Variants in JAK1 observed in about 807,000 individuals in gnomAD.
The protein encoded by JAK1 is Janus kinase 1, also known as tyrosine-protein kinase JAK1.
JAK1 carries 16 observed loss-of-function variants against 136.6 expected under a neutral mutation model. The ratio of observed to expected loss-of-function variants is 0.12; its 90% CI spans 0.08 to 0.18. The LOEUF is 0.18. Ranked by LOEUF, JAK1 falls within the 10% of genes least tolerant of loss-of-function variation. The pLI is 1.00. For missense variants in JAK1, 859 were observed against 1,450.1 expected (o/e 0.59, Z 6.62); for synonymous variants, 492 against 519.5 (o/e 0.95, Z 0.72).
chr1:64,927,158 C>A (rs1645596743), intron 1 of JAK1, among the ~76,000 whole-genome samples: 1 of 152,180 alleles, frequency 6.6e-6, no homozygotes, highest in African/African-American at 2.4e-5. Flanking sequence ...GATGGGCGTA[C>A]CCTGACGACC....
At chr1:64,896,820 G>T (rs1645021172) in intron 1 of JAK1, among the ~76,000 whole-genome samples, 1 of 152,266 alleles carries the variant, frequency 6.6e-6, no homozygotes, top group South Asian at 2.1e-4. Flanking sequence ...AGGACGGCAG[G>T]GAAAACCAGC....
chr1:64,859,800 T>C (rs942186502), intron 9 of JAK1: 6 of 195,860 alleles, frequency 3.1e-5, no homozygotes, highest in African/African-American at 1.2e-4. Context: ...ATTGCCCACA[T>C]TGTTTGACAC....
At chr1:64,895,454 ATTTTTG>A (rs1645000690) in intron 1 of JAK1, among the ~76,000 whole-genome samples, 1 of 152,204 alleles carries the variant, frequency 6.6e-6, no homozygotes, top group East Asian at 1.9e-4. Context: ...AATTTACCTT[ATTTTTG>A]TTTTTATTTC....
At chr1:64,891,044 A>C (rs1171033246) in intron 1 of JAK1, among the ~76,000 whole-genome samples, 1 of 152,210 alleles carries the variant, frequency 6.6e-6, no homozygotes, top group African/African-American at 2.4e-5. Flanking sequence ...AATGCATGTA[A>C]AATGCCCAAC....
chr1:65,010,067 G>A (rs1231904477), intron 2 of JAK1, among the ~76,000 whole-genome samples: 1 of 152,110 alleles, frequency 6.6e-6, no homozygotes, highest in Non-Finnish European at 1.5e-5. Context: ...TTGTACTTTG[G>A]CACACAGGAA....
intron 1 of JAK1, among the ~76,000 whole-genome samples, chr1:64,896,374 G>A (rs1435877554): frequency 6.6e-6 from 1 of 152,202 alleles, no homozygotes; most frequent in Non-Finnish European, 1.5e-5. Flanking sequence ...CTTTGCAGGG[G>A]ATGGGATACA....
intron 24 of JAK1, among the ~76,000 whole-genome samples, chr1:64,834,908 A>T (rs1654375542): frequency 6.6e-6 from 1 of 152,200 alleles, no homozygotes; most frequent in South Asian, 2.1e-4. Context: ...ATTCCTGTAA[A>T]CCAGTTAGAG....
In JAK1 at chr1:64,833,755, G is replaced by C. The variant is rs1163756207; in HGVS notation, c.*807C>G. The C allele has an allele frequency of 4.3e-6, 1 of 232,960 alleles. No individual in the cohort carries two copies. Among genetic ancestry groups the C allele is most frequent in the African/African-American group, 2.2e-5 (1 of 45,332 alleles). The allele number at this position is 232,960 out of a possible 1,614,324, so 14.4% of individuals were successfully genotyped here. ...GCCCCAAAGTGGTAGAGTTATAAAA[G>C]GATATACATTGACGTTTCTTAAAAG... On this transcript the variant is annotated 3_prime_UTR_variant, in exon 25 of 25. Coordinates refer to ENST00000342505, the MANE Select transcript of JAK1 (RefSeq NM_002227.4).
chr1:64,888,459 C>T (rs1041071630), intron 1 of JAK1, among the ~76,000 whole-genome samples: 7 of 152,314 alleles, frequency 4.6e-5, no homozygotes, highest in African/African-American at 7.2e-5. Flanking sequence ...GGATTACAGG[C>T]GTGAGCCACC....
intron 1 of JAK1, among the ~76,000 whole-genome samples, chr1:64,930,497 A>G (rs1266343522): frequency 3.3e-5 from 5 of 152,160 alleles, no homozygotes; most frequent in Admixed American, 3.3e-4. Context: ...AAGTCAGGAA[A>G]CAACAGATGC....
chr1:64,898,522 G>A (rs1645059251), intron 1 of JAK1, among the ~76,000 whole-genome samples: 1 of 152,186 alleles, frequency 6.6e-6, no homozygotes, highest in Admixed American at 6.5e-5. Context: ...AAGTCATGTT[G>A]GATGAAATTC....
intron 1 of JAK1, among the ~76,000 whole-genome samples, chr1:64,916,439 G>A (rs895763954): frequency 6.6e-6 from 1 of 152,148 alleles, no homozygotes; most frequent in Non-Finnish European, 1.5e-5. Flanking sequence ...AACTGCACAA[G>A]CCTATATGAT....
chr1:64,887,418 G>A (rs1369929698), intron 1 of JAK1, among the ~76,000 whole-genome samples: 1 of 152,220 alleles, frequency 6.6e-6, no homozygotes. Context: ...ACAGCACTTA[G>A]AAACTAGCTA....
intron 1 of JAK1, among the ~76,000 whole-genome samples, chr1:64,938,932 ATACT>A (rs1645838739): frequency 6.6e-6 from 1 of 152,196 alleles, no homozygotes; most frequent in Non-Finnish European, 1.5e-5. Context: ...AATAATTAAA[ATACT>A]TAATTAACTG....
chr1:65,042,268 T>C (rs1045293220), intron 2 of JAK1, among the ~76,000 whole-genome samples: 1 of 152,138 alleles, frequency 6.6e-6, no homozygotes, highest in Non-Finnish European at 1.5e-5. Context: ...ATTATCCCGT[T>C]TATTATCAGG....
chr1:64,837,907 A>T (rs749487382), intron 22 of JAK1, 25 bp downstream of exon 22: 1 of 1,596,298 alleles, frequency 6.3e-7, no homozygotes, highest in Non-Finnish European at 8.6e-7. Flanking sequence ...AGCATTGATA[A>T]AACCTAGTGG....
intron 1 of JAK1, among the ~76,000 whole-genome samples, chr1:64,937,846 C>G (rs549760374): frequency 1.3e-5 from 2 of 152,278 alleles, no homozygotes; most frequent in East Asian, 3.9e-4. Context: ...CTAAATTACT[C>G]TCACTGTAAA....
intron 2 of JAK1, chr1:64,972,524 C>T (rs562748294): frequency 6.6e-6 from 1 of 152,386 alleles, no homozygotes; most frequent in South Asian, 2.1e-4. Context: ...TGCAGTGGCT[C>T]ATGCCGGTAA....
chr1:64,894,702 G>A (rs1179539857), intron 1 of JAK1, among the ~76,000 whole-genome samples: 3 of 152,068 alleles, frequency 2.0e-5, no homozygotes, highest in Admixed American at 6.5e-5. Flanking sequence ...GCTTGAACCC[G>A]GGAGGCAGAG....
Sources: allele counts gnomAD v4.1 joint callset (sites outside exome capture counted in the v4.1 genomes callset), GRCh38; gene constraint gnomAD v4.1.1; transcripts MANE v1.5; gene names NCBI Gene and HGNC (gene_info 2026-07-23, HGNC 2026-07-21).